TBC1D14: variants seen among roughly 807,000 people sequenced by gnomAD.
TBC1D14 encodes TBC1 domain family, member 14.
Under a neutral mutation model 79.0 loss-of-function variants are expected in TBC1D14, and 26 were observed. That is an observed-to-expected ratio of 0.33 (90% CI 0.24 to 0.46). TBC1D14 has a LOEUF of 0.46. Among genes scored for constraint, TBC1D14 ranks in the 20% least tolerant of loss-of-function variants. The probability of loss-of-function intolerance (pLI) is 1.00; values close to 1 mark genes in which losing one functional copy is unlikely to be tolerated. For missense variants in TBC1D14, 769 were observed against 887.6 expected (o/e 0.87, Z 1.70); for synonymous variants, 394 against 349.9 (o/e 1.13, Z -1.40).
At chr4:7,011,150 A>G (rs985499237) in intron 11 of TBC1D14, among the ~76,000 whole-genome samples, 4 of 152,220 alleles carry the variant, frequency 2.6e-5, no homozygotes, top group Non-Finnish European at 5.9e-5. Context: ...TGGGTAGAAC[A>G]TGTCGTAATC....
chr4:7,013,958 C>T (rs1377518049), intron 11 of TBC1D14, among the ~76,000 whole-genome samples: 3 of 152,150 alleles, frequency 2.0e-5, no homozygotes, highest in African/African-American at 4.8e-5. Context: ...ACCGTGTTAG[C>T]GAGGATGGTC....
intron 13 of TBC1D14, among the ~76,000 whole-genome samples, chr4:7,029,322 G>A (rs1722801742): frequency 6.6e-6 from 1 of 152,236 alleles, no homozygotes; most frequent in Non-Finnish European, 1.5e-5. Context: ...GTAGCACTGT[G>A]TTACCAAGAT....
Position 7,016,814 on chromosome 4 carries a change from T to C in TBC1D14, c.1757+2257T>C, listed in dbSNP as rs1577178067. The stretch of plus-strand genomic sequence containing the variant: ...CTGTTGTCTGGGTCATGCCTGGCAG[T>C]GTGAAAAGTACAGGCCTGGAGAATA... On this transcript the variant is annotated intron_variant, in intron 12 of 13. Coordinates refer to ENST00000409757, the MANE Select transcript of TBC1D14 (RefSeq NM_020773.3). Among the ~76,000 whole-genome samples the C allele has an allele frequency of 2.0e-5, 3 of 152,202 alleles. No individual in the cohort carries two copies. The South Asian group carries it at 6.2e-4, about 32-fold the overall frequency.
chr4:7,019,949 G>A lies in TBC1D14; in HGVS notation c.1758-5055G>A, dbSNP rs578092399. Among the ~76,000 whole-genome samples the A allele has an allele frequency of 3.5e-4, 49 of 140,424 alleles. 2 individuals carry two copies. Among genetic ancestry groups the A allele is most frequent in the African/African-American group, 1.2e-3 (46 of 37,198 alleles). 92.1% of individuals were successfully genotyped at this position (140,424 alleles called of 152,430 possible). On this transcript the variant is annotated intron_variant, in intron 12 of 13. Coordinates refer to ENST00000409757, the MANE Select transcript of TBC1D14 (RefSeq NM_020773.3). The stretch of plus-strand genomic sequence containing the variant: ...TTAGGGAGGACCCTGGGGCACAGAG[G>A]TGGGTATGTGAACCCCGCTGGGCTC...
rs540188879 is a variant in TBC1D14 at position 6,974,906 on chromosome 4, T to TTTTTG, written c.843+7501_843+7505dup. 1.1e-3 allele frequency among the ~76,000 whole-genome samples: 164 copies of TTTTTG among 152,190 alleles called. 3 individuals carry two copies. In the Middle Eastern group the frequency reaches 0.027, roughly 25 times the overall value. ...TGTGTCTGTTTTGTTTGTTTGTTTG[T>TTTTTG]TTTTGTTTTGTTTTGTTTTGTTTGA... On this transcript the variant is annotated intron_variant, in intron 3 of 13. Transcript: ENST00000409757.
At chr4:6,920,533 A>T (rs1005923986) in intron 1 of TBC1D14, among the ~76,000 whole-genome samples, 1 of 152,182 alleles carries the variant, frequency 6.6e-6, no homozygotes, top group Non-Finnish European at 1.5e-5. Flanking sequence ...CTCCTTACAA[A>T]AGCTGACGCC....
chr4:7,011,854 G>A (rs918575941), intron 11 of TBC1D14, among the ~76,000 whole-genome samples: 3 of 151,688 alleles, frequency 2.0e-5, no homozygotes, highest in African/African-American at 4.8e-5. Flanking sequence ...CACTGTGCCC[G>A]GCCATCACTG....
chr4:6,949,043 G>A (rs1000152184), intron 2 of TBC1D14, among the ~76,000 whole-genome samples: 5 of 151,568 alleles, frequency 3.3e-5, no homozygotes, highest in Non-Finnish European at 7.4e-5. Flanking sequence ...GCGTGGTGGC[G>A]CACACCTGTA....
intron 3 of TBC1D14, among the ~76,000 whole-genome samples, chr4:6,972,432 C>T (rs1054555153): frequency 6.6e-6 from 1 of 152,150 alleles, no homozygotes; most frequent in Non-Finnish European, 1.5e-5. Context: ...TACCCCGGCT[C>T]CTTGAGTGAC....
At chr4:6,999,750 C>G (rs1305848360) in intron 6 of TBC1D14, among the ~76,000 whole-genome samples, 1 of 152,184 alleles carries the variant, frequency 6.6e-6, no homozygotes, top group Non-Finnish European at 1.5e-5. Context: ...TTTGCTGCCC[C>G]TACCCTGGCT....
intron 2 of TBC1D14, among the ~76,000 whole-genome samples, chr4:6,953,476 A>AC (rs1401620244): frequency 3.0e-5 from 4 of 132,136 alleles, no homozygotes; most frequent in Non-Finnish European, 3.3e-5. Flanking sequence ...AAAAAAATAC[A>AC]AAAAATTAGC....
At position 6,994,319 on chromosome 4, in the gene TBC1D14, T is replaced by A; in HGVS notation, c.962+17T>A. On this transcript the variant is annotated intron_variant, in intron 4 of 13. Transcript: ENST00000409757. ...CAGACCAGCGTGAGTTTAAGAAGAC[T>A]CTCTTTAGAGTGTTTGCTTTAGGAA... 1 of 1,605,690 alleles carries A rather than the reference T, an allele frequency of 6.2e-7. No individual in the cohort carries two copies. Among genetic ancestry groups the A allele is most frequent in the Non-Finnish European group, 8.5e-7 (1 of 1,172,316 alleles).
intron 12 of TBC1D14, among the ~76,000 whole-genome samples, chr4:7,021,810 C>T (rs1464435882): frequency 1.3e-5 from 2 of 152,202 alleles, no homozygotes; most frequent in Non-Finnish European, 2.9e-5. Flanking sequence ...GTCTTCCGAC[C>T]ATGGGAGGAG....
chr4:6,997,015 T>C (rs1328717997), intron 5 of TBC1D14: 1 of 152,192 alleles, frequency 6.6e-6, no homozygotes, highest in Non-Finnish European at 1.5e-5. Flanking sequence ...ATAACATGGA[T>C]GTGAGGGCGA....
intron 2 of TBC1D14, among the ~76,000 whole-genome samples, chr4:6,964,385 G>A (rs1715515786): frequency 6.6e-6 from 1 of 152,138 alleles, no homozygotes; most frequent in African/African-American, 2.4e-5. Flanking sequence ...AGAGTAGAGA[G>A]GCCTGTCCCG....
At chr4:6,982,468 AAGG>A (rs1371433665) in intron 3 of TBC1D14, among the ~76,000 whole-genome samples, 2 of 152,218 alleles carry the variant, frequency 1.3e-5, no homozygotes, top group African/African-American at 4.8e-5. Context: ...GGCTAACACA[AAGG>A]AGGTTTTGAG....
chr4:7,000,310 C>T (rs764812904), intron 6 of TBC1D14, among the ~76,000 whole-genome samples: 2 of 152,196 alleles, frequency 1.3e-5, no homozygotes, highest in African/African-American at 4.8e-5. Flanking sequence ...CGACTGCACA[C>T]GGACGCTGCC....
chr4:6,919,777 T>C (rs552537259), intron 1 of TBC1D14, among the ~76,000 whole-genome samples: 40 of 152,156 alleles, frequency 2.6e-4, no homozygotes, highest in East Asian at 2.1e-3. Context: ...TGCGCCACCA[T>C]GCCCAGCTAA....
At chr4:6,930,293 C>G (rs1024424830) in intron 2 of TBC1D14, among the ~76,000 whole-genome samples, 3 of 152,156 alleles carry the variant, frequency 2.0e-5, no homozygotes, top group Admixed American at 6.6e-5. Flanking sequence ...TTACTCCAGG[C>G]ATTTGAAAGT....
Sources: gnomAD v4.1 joint callset for allele counts (sites outside exome capture counted in the v4.1 genomes callset) on GRCh38, gnomAD v4.1.1 for gene constraint, MANE v1.5 for transcripts, NCBI Gene and HGNC (gene_info 2026-07-23, HGNC 2026-07-21) for gene names.